The following OR2B11 variants were observed in gnomAD, a reference collection of about 807,000 sequenced individuals.
OR2B11 encodes the protein olfactory receptor 2B11.
For missense variants in OR2B11, 422 were observed against 400.0 expected, an observed-to-expected ratio of 1.05 and a Z score of -0.47; for synonymous variants, 198 against 174.5, an observed-to-expected ratio of 1.13 and a Z score of -1.06.
Position 247,454,574 on chromosome 1 carries a change from C to G in OR2B11, c.-2592G>C, listed in dbSNP as rs913066687. The G allele has an allele frequency of 2.6e-5, 4 of 152,410 alleles. No homozygotes were observed. The highest frequency in any genetic ancestry group is 4.4e-5 in the Non-Finnish European group (3 of 68,148). The allele number at this position is 152,410 out of a possible 1,614,324, so 9.4% of individuals were successfully genotyped here. Reference sequence around the variant, plus strand: ...CCATCCCCCCAGACTCAAACCATCTCCTTCATCTTAATTCTGGCTGAGTTC... The same window carrying G: ...CCATCCCCCCAGACTCAAACCATCTGCTTCATCTTAATTCTGGCTGAGTTC... On this transcript the variant is annotated 5_prime_UTR_variant, in exon 2 of 2. Transcript: ENST00000641149.
At position 247,451,667 on chromosome 1, in the gene OR2B11, C is replaced by T; in HGVS notation, c.316G>A (p.Ala106Thr). 3 of 1,614,190 alleles carry T rather than the reference C, an allele frequency of 1.9e-6. No individual in the cohort carries two copies. The highest frequency in any genetic ancestry group is 2.5e-6 in the Non-Finnish European group (3 of 1,180,024). The change falls in exon 2 of 2, where the codon GCA (alanine) becomes ACA (threonine). Residue 106 changes from alanine (A) to threonine (T), a missense_variant. Ala to Thr is a moderately conservative substitution (Grantham distance 58). Transcript: ENST00000641149. The stretch of plus-strand genomic sequence containing the variant: ...GTGCATCCCAGCCAGTGGAAGACTG[C>T]ATATTGCACAGTGCAGCCTCCATAG... ...ISYGGCTVQYAVFHWLGCTEC... is the reference protein window; with the variant it reads ...ISYGGCTVQYTVFHWLGCTEC...
chr1:247,457,611 T>C (rs1372467084), intron 1 of OR2B11, 28 bp downstream of exon 1: 2 of 152,288 alleles, frequency 1.3e-5, no homozygotes, highest in Non-Finnish European at 1.5e-5. Flanking sequence ...GATTTCAGTT[T>C]GACTGGAGTT....
In OR2B11 at chr1:247,450,526, G is replaced by C. The variant is rs1664821040; in HGVS notation, c.*503C>G. 1 of 151,884 alleles carries C rather than the reference G, an allele frequency of 6.6e-6. No individual in the cohort carries two copies. Among genetic ancestry groups the C allele is most frequent in the Non-Finnish European group, 1.5e-5 (1 of 67,980 alleles). 9.4% of individuals were successfully genotyped at this position (151,884 alleles called of 1,614,324 possible). ...TCTATAGAAGAAAATGTGAACTACA[G>C]AGAAAAAAAAATCAAAATCACAGGA... On this transcript the variant is annotated 3_prime_UTR_variant, in exon 2 of 2. Coordinates refer to ENST00000641149, the MANE Select transcript of OR2B11 (RefSeq NM_001004492.2).
chr1:247,451,376 G>T lies in OR2B11; in HGVS notation c.607C>A (p.Leu203Met). 2 of 1,614,188 alleles carry T rather than the reference G, an allele frequency of 1.2e-6. No homozygotes were observed. The highest frequency in any genetic ancestry group is 2.2e-5 in the South Asian group (2 of 91,078). The change falls in exon 2 of 2, where the codon CTG (leucine) becomes ATG (methionine). Residue 203 changes from leucine (L) to methionine (M), a missense_variant. Physicochemically the swap from Leu to Met is conservative, Grantham distance 15 (BLOSUM62 2). Coordinates refer to ENST00000641149, the MANE Select transcript of OR2B11 (RefSeq NM_001004492.2). ...ACGAAGAAGGCCACCAGCACAGCCA[G>T]TATGGTGTCATTCACAGCGGTGTCA... is the stretch of plus-strand genomic sequence containing the variant. Reference protein sequence around the residue: ...CADTAVNDTILAVLVAFFVLV... With the variant: ...CADTAVNDTIMAVLVAFFVLV...
chr1:247,456,220 T>C (rs1664962671), intron 1 of OR2B11, among the ~76,000 whole-genome samples: 1 of 152,212 alleles, frequency 6.6e-6, no homozygotes, highest in African/African-American at 2.4e-5. Context: ...CCGGTTCACA[T>C]GGAGGGGAAA....
At chr1:247,457,337 G>A (rs903818687) in intron 1 of OR2B11, among the ~76,000 whole-genome samples, 3 of 152,058 alleles carry the variant, frequency 2.0e-5, no homozygotes, top group Admixed American at 2.0e-4. Flanking sequence ...GGAAGCGGAG[G>A]AAAGGGACTC....
At position 247,451,539 on chromosome 1, in the gene OR2B11, G is replaced by A. The variant is rs142726450; in HGVS notation, c.444C>T (p.Leu148=). ...AGCCACTGAGCCAGGCCAGAGCCAC[G>A]AGCTGCTGACAGAGAGCACGGTGCA... ...VLMHRALCQQ[L]VALAWLSGFG... Residue 148 remains leucine (L), a synonymous_variant, in exon 2 of 2, where the codon CTC becomes CTT. Transcript: ENST00000641149. 6.8e-6 allele frequency: 11 copies of A among 1,614,070 alleles called. No individual in the cohort carries two copies. Among genetic ancestry groups the A allele is most frequent in the African/African-American group, 5.3e-5 (4 of 74,942 alleles).
chr1:247,457,478 C>T (rs1234638456), intron 1 of OR2B11, among the ~76,000 whole-genome samples, 161 bp downstream of exon 1: 1 of 152,156 alleles, frequency 6.6e-6, no homozygotes, highest in African/African-American at 2.4e-5. Flanking sequence ...CACAATTTTA[C>T]ACTTGCTGCT....
Position 247,451,236 on chromosome 1 carries a change from C to G in OR2B11, c.747G>C (p.Leu249=). The change falls in exon 2 of 2, where the codon CTG becomes CTC. Residue 249 remains leucine (L), a synonymous_variant. Coordinates refer to ENST00000641149, the MANE Select transcript of OR2B11 (RefSeq NM_001004492.2). The part of the protein sequence containing the change: ...HKAFGTCSSH[L]MIVSLFYLPA... Reference sequence around the variant, plus strand: ...GTAGGTAGAAGAGGGAGACGATCATCAGGTGGGAGGAACACGTCCCAAAGG... The same window carrying G: ...GTAGGTAGAAGAGGGAGACGATCATGAGGTGGGAGGAACACGTCCCAAAGG... 6.2e-7 allele frequency: 1 copy of G among 1,602,776 alleles called. No homozygotes were observed. Among genetic ancestry groups the G allele is most frequent in the Non-Finnish European group, 8.5e-7 (1 of 1,171,668 alleles).
In OR2B11 at chr1:247,457,696, G is replaced by T. The variant is rs1199560907; in HGVS notation, c.-3140C>A. The T allele has an allele frequency of 6.6e-6, 1 of 152,206 alleles. No homozygotes were observed. Among genetic ancestry groups the T allele is most frequent in the Non-Finnish European group, 1.5e-5 (1 of 68,052 alleles). The allele number at this position is 152,206 out of a possible 1,614,324, so 9.4% of individuals were successfully genotyped here. On this transcript the variant is annotated 5_prime_UTR_variant, in exon 1 of 2. The change creates a new upstream start codon in the 5' untranslated region. Transcript: ENST00000641149. ...CTTTAGGACTGAAGGCTATATTGCA[G>T]TCTGTGTTGGCCTTAGTCGCGGAGG...
At chr1:247,456,728 T>C (rs1664971604) in intron 1 of OR2B11, among the ~76,000 whole-genome samples, 1 of 151,920 alleles carries the variant, frequency 6.6e-6, no homozygotes, top group South Asian at 2.1e-4. Flanking sequence ...GTCATCTACG[T>C]TAGGTATTTC....
At position 247,451,938 on chromosome 1, in the gene OR2B11, G is replaced by A. The variant is rs1445901182; in HGVS notation, c.45C>T (p.Ala15=). Residue 15 remains alanine, a synonymous_variant, in exon 2 of 2, where the codon GCC becomes GCT. Coordinates refer to ENST00000641149, the MANE Select transcript of OR2B11 (RefSeq NM_001004492.2). ...NHSFLGDSPK[A]FILLGVSDRP... is the part of the protein sequence containing the mutation. Reference sequence around the variant, plus strand: ...TGTCAGACACACCCAGAAGGATGAAGGCTTTAGGGGAGTCCCCTAAGAAGC... The same window carrying A: ...TGTCAGACACACCCAGAAGGATGAAAGCTTTAGGGGAGTCCCCTAAGAAGC... 2.5e-6 allele frequency: 4 copies of A among 1,598,110 alleles called. No homozygotes were observed. The highest frequency in any genetic ancestry group is 1.1e-5 in the South Asian group (1 of 90,056).
intron 1 of OR2B11, among the ~76,000 whole-genome samples, chr1:247,456,288 G>C (rs941353140): frequency 6.6e-6 from 1 of 152,164 alleles, no homozygotes; most frequent in African/African-American, 2.4e-5. Flanking sequence ...GTAACAAACA[G>C]TTCCCCTTTA....
rs1558215498 is a variant in OR2B11, at chr1:247,451,460, GC to G, written c.522del (p.Arg175GlyfsTer4). 5 of 1,614,134 alleles carry G rather than the reference GC, an allele frequency of 3.1e-6. No homozygotes were observed. The South Asian group carries it at 5.5e-5, about 18-fold the overall frequency. ...CAGAAAAAGTTGTTCAGCACCTGCC[GC>G]CCGCAGAATGGCAATTGCACCGTCA... ...VVLTVQLPFCGRQVLNNFFCE... is the reference protein window; with the variant it reads ...VVLTVQLPFCXRQVLNNFFCE... On this transcript the variant is annotated frameshift_variant, in exon 2 of 2. Coordinates refer to ENST00000641149, the MANE Select transcript of OR2B11 (RefSeq NM_001004492.2). LOFTEE classifies it low-confidence loss of function (END_TRUNC).
In OR2B11 at chr1:247,450,992, T is replaced by C. The variant is rs552689091; in HGVS notation, c.*37A>G. ...AGTGCACAATAGACTTGTGCTGTGT[T>C]CTTTAATTGATGGAGATGCTACATC... On this transcript the variant is annotated 3_prime_UTR_variant, in exon 2 of 2. Transcript: ENST00000641149. 8.0e-6 allele frequency: 10 copies of C among 1,250,252 alleles called. No homozygotes were observed. Among genetic ancestry groups the C allele is most frequent in the Non-Finnish European group, 6.6e-6 (6 of 911,942 alleles). 77.4% of individuals were successfully genotyped at this position (1,250,252 alleles called of 1,614,324 possible).
rs1398097663 is a variant in OR2B11 at position 247,451,329 on chromosome 1, G to T, written c.654C>A (p.Ile218=). The change falls in exon 2 of 2, where the codon ATC becomes ATA. Residue 218 remains isoleucine, a synonymous_variant. Coordinates refer to ENST00000641149, the MANE Select transcript of OR2B11 (RefSeq NM_001004492.2). The part of the protein sequence containing the change: ...AFFVLVPLAL[I]LLSYGFIARA... The stretch of plus-strand genomic sequence containing the variant: ...GGGCAATAAAGCCATAGGAGAGAAG[G>T]ATGAGAGCCAGGGGCACCAACACGA... The T allele has an allele frequency of 3.7e-6, 6 of 1,614,086 alleles. No homozygotes were observed. The highest frequency in any genetic ancestry group is 5.1e-6 in the Non-Finnish European group (6 of 1,180,006).
rs1275818754 is a variant in OR2B11, at chr1:247,451,387, T to G, written c.596A>C (p.Asn199Thr). ...IKLSCADTAV[N>T]DTILAVLVAF... ...CACCAGCACAGCCAGTATGGTGTCATTCACAGCGGTGTCAGCACACGACAG... is the reference window on the plus strand; with the variant it reads ...CACCAGCACAGCCAGTATGGTGTCAGTCACAGCGGTGTCAGCACACGACAG... The change falls in exon 2 of 2, where the codon AAT becomes ACT. Residue 199 changes from asparagine to threonine, a missense_variant. By Grantham distance (65) the Asn-to-Thr change is moderately conservative. Transcript: ENST00000641149. The G allele has an allele frequency of 6.2e-7, 1 of 1,613,986 alleles. No individual in the cohort carries two copies. The highest frequency in any genetic ancestry group is 1.7e-5 in the Admixed American group (1 of 60,000).
chr1:247,452,181 G>A lies in OR2B11; in HGVS notation c.-199C>T. ...CAGGAGCCCCAGTAGCAGCCTCTGT[G>A]TCTTTGCTCTCCTTCCTACTCAGTG... On this transcript the variant is annotated 5_prime_UTR_variant, in exon 2 of 2. Transcript: ENST00000641149. 1 of 571,838 alleles carries A rather than the reference G, an allele frequency of 1.7e-6. No individual in the cohort carries two copies. The highest frequency in any genetic ancestry group is 2.9e-5 in the East Asian group (1 of 34,990). 35.4% of individuals were successfully genotyped at this position (571,838 alleles called of 1,614,324 possible).
At position 247,451,701 on chromosome 1, in the gene OR2B11, C is replaced by G. The variant is rs779565084; in HGVS notation, c.282G>C (p.Lys94Asn). 3.7e-6 allele frequency: 6 copies of G among 1,614,010 alleles called. No individual in the cohort carries two copies. The highest frequency in any genetic ancestry group is 2.7e-5 in the African/African-American group (2 of 74,934). The change falls in exon 2 of 2, where the codon AAG (lysine) becomes AAC (asparagine). Residue 94 changes from lysine to asparagine, a missense_variant. Coordinates refer to ENST00000641149, the MANE Select transcript of OR2B11 (RefSeq NM_001004492.2). ...CAGTGCAGCCTCCATAGCTGATGGT[C>G]TTCTGGGAACTGCCCATGTTGACCA... ...QMLVNMGSSQ[K>N]TISYGGCTVQ...
Sources: gnomAD v4.1 joint callset for allele counts (sites outside exome capture counted in the v4.1 genomes callset) on GRCh38, gnomAD v4.1.1 for gene constraint, MANE v1.5 for transcripts, NCBI Gene and HGNC (gene_info 2026-07-23, HGNC 2026-07-21) for gene names.